The following PCOLCE2 variants were observed in gnomAD, a reference collection of about 807,000 sequenced individuals.
PCOLCE2 encodes procollagen C-endopeptidase enhancer 2.
In PCOLCE2, 42 loss-of-function variants were observed where a neutral mutation model predicts 47.0. The observed-to-expected ratio is 0.89, with a 90% CI of 0.70 to 1.16. The LOEUF (loss-of-function observed/expected upper bound fraction) is 1.16. Ranked by LOEUF, PCOLCE2 falls within the 50% of genes most tolerant of loss-of-function variation. PCOLCE2 has a pLI of 0.00. For missense variants in PCOLCE2, 500 were observed against 526.1 expected (o/e 0.95, Z 0.49); for synonymous variants, 169 against 191.7 (o/e 0.88, Z 0.98).
intron 2 of PCOLCE2, among the ~76,000 whole-genome samples, chr3:142,861,711 G>C (rs1001608571): frequency 2.6e-5 from 4 of 152,178 alleles, no homozygotes; most frequent in Admixed American, 2.6e-4. Flanking sequence ...GCCTTTTCAT[G>C]TAAGAGGCTT....
At chr3:142,851,242 T>C (rs1051949058) in intron 2 of PCOLCE2, among the ~76,000 whole-genome samples, 5 of 152,224 alleles carry the variant, frequency 3.3e-5, no homozygotes, top group Non-Finnish European at 7.3e-5. Context: ...GTACCAGGAC[T>C]GCTGGGGTCC....
At chr3:142,884,857 A>T (rs1447769284) in intron 2 of PCOLCE2, among the ~76,000 whole-genome samples, 1 of 152,232 alleles carries the variant, frequency 6.6e-6, no homozygotes, top group Non-Finnish European at 1.5e-5. Context: ...TGATGACAGA[A>T]ATACTATATT....
chr3:142,850,414 G>A (rs189479840), intron 2 of PCOLCE2, among the ~76,000 whole-genome samples: 1 of 152,164 alleles, frequency 6.6e-6, no homozygotes, highest in Non-Finnish European at 1.5e-5. Context: ...AGTGAATGTG[G>A]ATAGAAAAAG....
At chr3:142,858,613 T>TG (rs547331643) in intron 2 of PCOLCE2, among the ~76,000 whole-genome samples, 27 of 152,088 alleles carry the variant, frequency 1.8e-4, no homozygotes, top group South Asian at 8.3e-4. Context: ...CTGGGGTAAG[T>TG]GGGGGGGTCC....
intron 3 of PCOLCE2, among the ~76,000 whole-genome samples, chr3:142,845,667 C>G (rs1424279870): frequency 6.6e-6 from 1 of 152,128 alleles, no homozygotes; most frequent in Non-Finnish European, 1.5e-5. Flanking sequence ...CAGTTTTATT[C>G]CAGCGCTTTA....
At chr3:142,838,646 C>T in intron 5 of PCOLCE2, 124 bp downstream of exon 5, 1 of 808,654 alleles carries the variant, frequency 1.2e-6, no homozygotes, top group East Asian at 2.5e-5. Context: ...TAATAGAGGA[C>T]CCAATAATTT....
Position 142,888,832 on chromosome 3 carries a change from C to T in PCOLCE2, c.65G>A (p.Arg22Gln), listed in dbSNP as rs1933767312. The change falls in exon 1 of 9, where the codon CGG becomes CAG. Residue 22 changes from arginine to glutamine, a missense_variant. Arg to Gln is a conservative substitution (Grantham distance 43). Transcript: ENST00000295992. The stretch of plus-strand genomic sequence containing the variant: ...GCGTTACCTCTCTGGGGACTGCTGC[C>T]GCGAGAGCTGGGTGGCGGCAGCCAG... ...LLLAAATQLS[R>Q]QQSPERPVFT... 6 of 1,542,452 alleles carry T rather than the reference C, an allele frequency of 3.9e-6. No individual in the cohort carries two copies. The highest frequency in any genetic ancestry group is 5.2e-6 in the Non-Finnish European group (6 of 1,147,068).
At chr3:142,874,039 T>C (rs1444105516) in intron 2 of PCOLCE2, among the ~76,000 whole-genome samples, 3 of 152,134 alleles carry the variant, frequency 2.0e-5, no homozygotes, top group African/African-American at 7.2e-5. Flanking sequence ...GCTGTTCTCA[T>C]GAAAGTGAAT....
intron 2 of PCOLCE2, among the ~76,000 whole-genome samples, chr3:142,879,831 G>A (rs955461818): frequency 1.7e-4 from 26 of 151,982 alleles, no homozygotes; most frequent in African/African-American, 6.0e-4. Context: ...TTAGGCAGGC[G>A]TGGTGGGGGG....
chr3:142,833,562 T>C (rs1191674174), intron 5 of PCOLCE2, among the ~76,000 whole-genome samples: 1 of 151,848 alleles, frequency 6.6e-6, no homozygotes, highest in East Asian at 1.9e-4. Flanking sequence ...GTGTGCACTA[T>C]AACACAATTT....
intron 2 of PCOLCE2, among the ~76,000 whole-genome samples, chr3:142,859,386 T>C (rs1933137216): frequency 6.6e-6 from 1 of 151,722 alleles, no homozygotes. Flanking sequence ...CAATGACACA[T>C]GAATATATAT....
chr3:142,841,174 T>C (rs1937261370), intron 4 of PCOLCE2, among the ~76,000 whole-genome samples: 1 of 152,000 alleles, frequency 6.6e-6, no homozygotes, highest in Non-Finnish European at 1.5e-5. Flanking sequence ...TAACAAATGA[T>C]GGTAAGGTAA....
At chr3:142,836,389 T>C (rs1937204541) in intron 5 of PCOLCE2, among the ~76,000 whole-genome samples, 1 of 152,220 alleles carries the variant, frequency 6.6e-6, no homozygotes, top group South Asian at 2.1e-4. Flanking sequence ...AAGCACAGTC[T>C]GTTAGAATGA....
chr3:142,869,266 G>C (rs1441782434), intron 2 of PCOLCE2, among the ~76,000 whole-genome samples: 1 of 151,844 alleles, frequency 6.6e-6, no homozygotes, highest in Non-Finnish European at 1.5e-5. Flanking sequence ...GCTCCAGCCT[G>C]GGCGACAGAG....
In PCOLCE2 at chr3:142,889,002, G is replaced by GGCTCACACTGGCAGCAGCGCTC. The variant is rs1933773580; in HGVS notation, c.-107_-106insGAGCGCTGCTGCCAGTGTGAGC. ...CGCCGCTCACACTGGCAGCAGCGCT[G>GGCTCACACTGGCAGCAGCGCTC]GCTCACACCGGCGCTCGGCTGCCCG... On this transcript the variant is annotated 5_prime_UTR_variant, in exon 1 of 9. Transcript: ENST00000295992. 2.1e-6 allele frequency: 1 copy of GGCTCACACTGGCAGCAGCGCTC among 481,390 alleles called. No individual in the cohort carries two copies. Among genetic ancestry groups the GGCTCACACTGGCAGCAGCGCTC allele is most frequent in the Non-Finnish European group, 3.4e-6 (1 of 294,006 alleles). The allele number at this position is 481,390 out of a possible 1,614,324, so 29.8% of individuals were successfully genotyped here.
chr3:142,827,698 G>C (rs1267865754), intron 6 of PCOLCE2: 1 of 1,127,534 alleles, frequency 8.9e-7, no homozygotes, highest in African/African-American at 1.6e-5. Flanking sequence ...CCTTGGGGAG[G>C]GGCGCGCTGT....
chr3:142,847,867 A>C (rs761332492), intron 3 of PCOLCE2, among the ~76,000 whole-genome samples: 6 of 152,212 alleles, frequency 3.9e-5, no homozygotes, highest in Non-Finnish European at 7.3e-5. Context: ...CTATTGTATA[A>C]GTACTCAAAT....
At chr3:142,858,991 C>G (rs1022805097) in intron 2 of PCOLCE2, among the ~76,000 whole-genome samples, 4 of 151,900 alleles carry the variant, frequency 2.6e-5, no homozygotes, top group African/African-American at 9.7e-5. Context: ...TTAAAGGTAA[C>G]AGAGATAAAA....
chr3:142,863,506 C>A (rs559514028), intron 2 of PCOLCE2, among the ~76,000 whole-genome samples: 1 of 152,286 alleles, frequency 6.6e-6, no homozygotes, highest in African/African-American at 2.4e-5. Context: ...ATAGATGGGA[C>A]ATGGAAAAAC....
Sources: gnomAD v4.1 joint callset for allele counts (sites outside exome capture counted in the v4.1 genomes callset) on GRCh38, gnomAD v4.1.1 for gene constraint, MANE v1.5 for transcripts, NCBI Gene and HGNC (gene_info 2026-07-23, HGNC 2026-07-21) for gene names.